The following MXRA5 variants were observed in gnomAD, a reference collection of about 807,000 sequenced individuals.
MXRA5 encodes matrix remodeling associated 5.
MXRA5 carries 41 observed loss-of-function variants against 112.5 expected under a neutral mutation model. The ratio of observed to expected loss-of-function variants is 0.36; its 90% CI spans 0.28 to 0.47. The LOEUF (loss-of-function observed/expected upper bound fraction) is 0.47. MXRA5 is among the 20% of genes least tolerant of loss of function. The pLI, the probability that MXRA5 is intolerant of heterozygous loss-of-function variation, is 0.99. For missense variants in MXRA5, 2,150 were observed against 2,251.0 expected, an observed-to-expected ratio of 0.96 and a Z score of 0.91; for synonymous variants, 862 against 900.8, an observed-to-expected ratio of 0.96 and a Z score of 0.77.
chrX:3,340,765 C>T (rs1921898011), intron 2 of MXRA5, among the ~76,000 whole-genome samples: 1 of 106,896 alleles, frequency 9.4e-6, no homozygotes, highest in Non-Finnish European at 1.9e-5. Context: ...ATCCCAGAAA[C>T]TGTAAATGAG....
chrX:3,318,332 A>G (rs1921207807), intron 5 of MXRA5, among the ~76,000 whole-genome samples: 1 of 110,410 alleles, frequency 9.1e-6, no homozygotes, highest in African/African-American at 3.3e-5. Context: ...TTTTTTGTAG[A>G]GACATGGTCT....
At chrX:3,332,536 G>A (rs570971728) in intron 2 of MXRA5, among the ~76,000 whole-genome samples, 34 of 112,347 alleles carry the variant, frequency 3.0e-4, no homozygotes, top group African/African-American at 8.7e-4. Context: ...GAGCCACCGC[G>A]CCCGGCCACA....
At chrX:3,345,354 GCTCTGCAAAAGTCCTCGGAGTTTTCT>G (rs758747243) in intron 1 of MXRA5, among the ~76,000 whole-genome samples, 242 of 112,985 alleles carry the variant, frequency 2.1e-3, no homozygotes, top group African/African-American at 7.4e-3. Context: ...GGCTCCTGCA[GCTCTGCAAAAGTCCTCGGAGTTTTCT>G]CTCTCGCCAG....
intron 2 of MXRA5, among the ~76,000 whole-genome samples, chrX:3,335,258 G>A (rs1318922370): frequency 7.2e-5 from 8 of 111,200 alleles, no homozygotes; most frequent in Non-Finnish European, 1.5e-4. Flanking sequence ...GTGCAGTGGC[G>A]CCATCTCGGC....
chrX:3,325,924 TAA>T (rs1491301226), intron 4 of MXRA5, among the ~76,000 whole-genome samples: 43 of 93,532 alleles, frequency 4.6e-4, no homozygotes, highest in Non-Finnish European at 7.7e-4. Flanking sequence ...CATAAATTTA[TAA>T]TATATAATTT....
chrX:3,317,294 G>A lies in MXRA5; in HGVS notation c.6387C>T (p.Gly2129=), dbSNP rs1603467884. 8.3e-7 allele frequency: 1 copy of A among 1,205,593 alleles called. No individual in the cohort carries two copies. Among genetic ancestry groups the A allele is most frequent in the East Asian group, 3.0e-5 (1 of 33,632 alleles). ...RYECVAANLV[G]SARRTVQLNV... is the part of the protein sequence containing the mutation. The stretch of plus-strand genomic sequence containing the variant: ...TCAGCTGCACCGTCCTGCGCGCGGA[G>A]CCTACCAGGTTGGCGGCCACGCACT... Residue 2129 remains glycine, a synonymous_variant, in exon 6 of 7, where the codon GGC becomes GGT. Transcript: ENST00000217939.
Position 3,330,716 on chromosome X carries a change from C to A in MXRA5, c.246G>T (p.Glu82Asp), listed in dbSNP as rs2146928247. ...TCTCATTGCCGTGAATCATAAGTAGCTCCAACTTGGTCAGTCCTGCAAATG... is the reference window on the plus strand; with the variant it reads ...TCTCATTGCCGTGAATCATAAGTAGATCCAACTTGGTCAGTCCTGCAAATG... ...ETSFAGLTKL[E>D]LLMIHGNEIP... The change falls in exon 3 of 7, where the codon GAG (glutamate) becomes GAT (aspartate). Residue 82 changes from glutamate to aspartate, a missense_variant. This residue lies in a region of MXRA5 where 386 missense variants were observed against 411.0 expected (regional missense o/e 0.94). Coordinates refer to ENST00000217939, the MANE Select transcript of MXRA5 (RefSeq NM_015419.4). 8.3e-7 allele frequency: 1 copy of A among 1,209,793 alleles called. No individual in the cohort carries two copies. The highest frequency in any genetic ancestry group is 1.1e-6 in the Non-Finnish European group (1 of 894,450).
At chrX:3,318,602 C>A (rs146055261) in intron 5 of MXRA5, among the ~76,000 whole-genome samples, 2,824 of 112,367 alleles carry the variant, frequency 0.025, 90 homozygotes, top group African/African-American at 0.086. Flanking sequence ...TAATTTGGTA[C>A]AACCACTGTG....
rs12396910 is a variant in MXRA5 at position 3,321,235 on chromosome X, T to C, written c.4450A>G (p.Thr1484Ala). The change falls in exon 5 of 7, where the codon ACT becomes GCT. Residue 1484 changes from threonine (T) to alanine (A), a missense_variant. This residue lies in a region of MXRA5 where 1,485 missense variants were observed against 1,471.6 expected (regional missense o/e 1.01). Transcript: ENST00000217939. The stretch of plus-strand genomic sequence containing the variant: ...GCTGGCTCCTTCATCCGGGCAGCAG[T>C]AGGGGTGTGATTCTGTGGTCTAGTT... ...SETRPQNHTPTAARMKEPASS... is the reference protein window; with the variant it reads ...SETRPQNHTPAAARMKEPASS... 1,861 of 1,209,259 alleles carry C rather than the reference T, an allele frequency of 1.5e-3. 19 individuals carry two copies. In the African/African-American group the frequency reaches 0.029, roughly 19 times the overall value.
chrX:3,319,516 A>T (rs142275220), intron 5 of MXRA5, among the ~76,000 whole-genome samples: 244 of 112,802 alleles, frequency 2.2e-3, no homozygotes, highest in African/African-American at 7.4e-3. Context: ...GTGGCCAGCC[A>T]CCCCTGCCCA....
chrX:3,325,944 T>C (rs1287266742), intron 4 of MXRA5, among the ~76,000 whole-genome samples: 39 of 92,448 alleles, frequency 4.2e-4, no homozygotes, highest in African/African-American at 1.5e-3. Context: ...TTTATAATTG[T>C]AATTTATAAT....
At chrX:3,342,351 T>C (rs1185567401) in intron 2 of MXRA5, among the ~76,000 whole-genome samples, 4 of 111,608 alleles carry the variant, frequency 3.6e-5, no homozygotes, top group Non-Finnish European at 7.5e-5. Flanking sequence ...ACATGTATCT[T>C]GGAACTTAAA....
intron 2 of MXRA5, among the ~76,000 whole-genome samples, chrX:3,336,249 G>A (rs1353664327): frequency 1.8e-5 from 2 of 111,337 alleles, no homozygotes; most frequent in African/African-American, 6.5e-5. Flanking sequence ...TAAGCTCAGG[G>A]CTCCCACTGA....
At chrX:3,326,241 A>G (rs1357592521) in intron 4 of MXRA5, among the ~76,000 whole-genome samples, 2 of 40,516 alleles carry the variant, frequency 4.9e-5, no homozygotes, top group Non-Finnish European at 1.2e-4. Flanking sequence ...TATATAGTCA[A>G]TATGTATGTA....
rs1214258657 is a variant in MXRA5 at position 3,310,158 on chromosome X, G to C, written c.8045C>G (p.Pro2682Arg). The change falls in exon 7 of 7, where the codon CCC becomes CGC. Residue 2682 changes from proline to arginine, a missense_variant. By Grantham distance (103) the Pro-to-Arg change is moderately radical. Coordinates refer to ENST00000217939, the MANE Select transcript of MXRA5 (RefSeq NM_015419.4). ...AAGAGAAACGCGTCCCAGGGTTTGG[G>C]GGCCCTCCAGATGCATGCCATTGGG... is the stretch of plus-strand genomic sequence containing the variant. ...TLPNGMHLEG[P>R]QTLGRVSLLD... is the part of the protein sequence containing the mutation. The C allele has an allele frequency of 1.3e-5, 16 of 1,211,770 alleles. No individual in the cohort carries two copies. The highest frequency in any genetic ancestry group is 1.8e-5 in the Non-Finnish European group (16 of 895,456).
At chrX:3,344,593 T>C (rs1202262015) in intron 1 of MXRA5, among the ~76,000 whole-genome samples, 1 of 111,666 alleles carries the variant, frequency 9.0e-6, no homozygotes, top group Admixed American at 9.6e-5. Flanking sequence ...CACTAAAAAA[T>C]GGAAAAGCTC....
rs770007021 is a variant in MXRA5, at chrX:3,323,658, G to A, written c.2027C>T (p.Pro676Leu). ...ACCTGGGCGTCTGCCTCTTTTGGATGGCAAGCCAGACCCTTTCTTGGTCAC... is the reference window on the plus strand; with the variant it reads ...ACCTGGGCGTCTGCCTCTTTTGGATAGCAAGCCAGACCCTTTCTTGGTCAC... ...ITVTKKGSGL[P>L]SKRGRRPGAK... Residue 676 changes from proline (P) to leucine (L), a missense_variant, in exon 5 of 7, where the codon CCA (proline) becomes CTA (leucine). Transcript: ENST00000217939. 27 of 1,210,656 alleles carry A rather than the reference G, an allele frequency of 2.2e-5. No homozygotes were observed. The highest frequency in any genetic ancestry group is 2.9e-5 in the Non-Finnish European group (26 of 894,870).
At chrX:3,335,003 A>G (rs1171579701) in intron 2 of MXRA5, among the ~76,000 whole-genome samples, 4 of 111,266 alleles carry the variant, frequency 3.6e-5, no homozygotes, top group African/African-American at 9.8e-5. Context: ...GTGTTTTACC[A>G]TAGTGACTGT....
intron 2 of MXRA5, among the ~76,000 whole-genome samples, chrX:3,332,492 A>T (rs1314373671): frequency 9.3e-6 from 1 of 107,561 alleles, no homozygotes; most frequent in Non-Finnish European, 1.9e-5. Flanking sequence ...GATCCGCCCC[A>T]CTCGGCCTCC....
Sources: allele counts gnomAD v4.1 joint callset (sites outside exome capture counted in the v4.1 genomes callset), GRCh38; gene constraint gnomAD v4.1.1; regional missense constraint gnomAD v4.1.1; transcripts MANE v1.5; gene names NCBI Gene and HGNC (gene_info 2026-07-23, HGNC 2026-07-21).